TIAM2: variants seen among roughly 807,000 people sequenced by gnomAD.
The protein encoded by TIAM2 is rho guanine nucleotide exchange factor TIAM2.
A neutral mutation model predicts 152.9 loss-of-function variants in TIAM2; 80 were observed. That is an observed-to-expected ratio of 0.52 (90% CI 0.44 to 0.63). TIAM2 has a LOEUF of 0.63. Ranked by LOEUF, TIAM2 falls within the 30% of genes least tolerant of loss-of-function variation. The pLI is 0.00. For missense variants in TIAM2, 1,965 were observed against 2,120.1 expected, an observed-to-expected ratio of 0.93 and a Z score of 1.44; for synonymous variants, 804 against 838.0, an observed-to-expected ratio of 0.96 and a Z score of 0.70.
rs1032285962 is a variant in TIAM2, at chr6:155,142,285, G to A, written c.1631-2321G>A. ...TGATAGCCACAAAATTCTGCCTATTGTTTTACTTCCTGGCCTGGCTCTAAT... is the reference window on the plus strand; with the variant it reads ...TGATAGCCACAAAATTCTGCCTATTATTTTACTTCCTGGCCTGGCTCTAAT... On this transcript the variant is annotated intron_variant, in intron 5 of 26. Coordinates refer to ENST00000682666, the MANE Select transcript of TIAM2 (RefSeq NM_012454.4). Among the ~76,000 whole-genome samples the A allele has an allele frequency of 1.3e-4, 20 of 151,554 alleles. 1 individual carries two copies. The highest frequency in any genetic ancestry group is 1.2e-3 in the Admixed American group (19 of 15,266).
intron 26 of TIAM2, 27 bp from the exon 27 acceptor site, chr6:155,256,457 C>T: frequency 4.3e-6 from 7 of 1,613,856 alleles, no homozygotes; most frequent in East Asian, 2.2e-5. Context: ...TTCTGTATCA[C>T]AGCGAAATGT....
chr6:155,241,078 G>A (rs1412273224), intron 16 of TIAM2, among the ~76,000 whole-genome samples: 1 of 152,184 alleles, frequency 6.6e-6, no homozygotes, highest in Admixed American at 6.5e-5. Flanking sequence ...CATACGTGAC[G>A]GCTGATCCAG....
intron 26 of TIAM2, chr6:155,255,417 C>T (rs773640058): frequency 6.6e-6 from 1 of 152,152 alleles, no homozygotes; most frequent in Non-Finnish European, 1.5e-5. Flanking sequence ...TTGTTATTAT[C>T]TTTCTTGTTT....
At chr6:155,057,034 T>C (rs1777467767) in intron 1 of TIAM2, among the ~76,000 whole-genome samples, 1 of 131,594 alleles carries the variant, frequency 7.6e-6, no homozygotes, top group Non-Finnish European at 1.6e-5. Flanking sequence ...TTTTTTTTTT[T>C]TTTTTTTTTT....
chr6:155,164,153 T>TTTTTTG (rs2115099022), intron 7 of TIAM2, among the ~76,000 whole-genome samples: 1 of 148,284 alleles, frequency 6.7e-6, no homozygotes, highest in Admixed American at 6.9e-5. Context: ...TTTCTTTTTT[T>TTTTTTG]TAGTAGAGAT....
Position 155,252,934 on chromosome 6 carries a change from C to T in TIAM2, c.4120-14C>T, listed in dbSNP as rs373827345. On this transcript the variant is annotated splice_polypyrimidine_tract_variant and intron_variant, in intron 23 of 26. Coordinates refer to ENST00000682666, the MANE Select transcript of TIAM2 (RefSeq NM_012454.4). ...CTTCCCTAACACTTTTCTTGGTGGGCCTTCATGTTACAGCCCTCGAATTCC... is the reference window on the plus strand; with the variant it reads ...CTTCCCTAACACTTTTCTTGGTGGGTCTTCATGTTACAGCCCTCGAATTCC... 1.9e-6 allele frequency: 3 copies of T among 1,610,266 alleles called. No individual in the cohort carries two copies. Among genetic ancestry groups the T allele is most frequent in the African/African-American group, 2.7e-5 (2 of 74,846 alleles).
Position 155,174,925 on chromosome 6 carries a change from C to T in TIAM2, c.2362-1891C>T, listed in dbSNP as rs1780725096. Among the ~76,000 whole-genome samples the T allele has an allele frequency of 6.6e-6, 1 of 152,224 alleles. No homozygotes were observed. The highest frequency in any genetic ancestry group is 6.5e-5 in the Admixed American group (1 of 15,282). On this transcript the variant is annotated intron_variant, in intron 9 of 26. Transcript: ENST00000682666. The surrounding 1 kb of genome is among the most constrained non-coding windows in gnomAD (Gnocchi z 4.2). ...TGCTGGGTTTTAGTTTGCTTCTCAA[C>T]AAGCCTGGTTTCAGAGGTGGGGCCT... is the stretch of plus-strand genomic sequence containing the variant.
intron 1 of TIAM2, among the ~76,000 whole-genome samples, chr6:155,009,526 G>T (rs903930292): frequency 6.6e-6 from 1 of 152,102 alleles, no homozygotes. Context: ...CTCAGTGTTG[G>T]TCTATACTGA....
At chr6:155,012,068 C>G (rs979884018) in intron 1 of TIAM2, among the ~76,000 whole-genome samples, 1 of 152,092 alleles carries the variant, frequency 6.6e-6, no homozygotes, top group Non-Finnish European at 1.5e-5. Flanking sequence ...TGATGCTGTA[C>G]TGAATTTCTT....
intron 2 of TIAM2, among the ~76,000 whole-genome samples, chr6:155,099,220 ATGTG>A (rs34269926): frequency 0.24 from 35,813 of 147,690 alleles, 4,557 homozygotes; most frequent in East Asian, 0.39. Context: ...GTATATATAT[ATGTG>A]TGTGTGTGTG....
chr6:155,178,030 G>C (rs1014999220), intron 10 of TIAM2, among the ~76,000 whole-genome samples: 11 of 152,020 alleles, frequency 7.2e-5, no homozygotes, highest in South Asian at 2.1e-4. Context: ...GTGTGGTGGC[G>C]GGCGCCTGTA....
chr6:155,006,682 C>CAA (rs577214442), intron 1 of TIAM2, among the ~76,000 whole-genome samples: 1 of 87,198 alleles, frequency 1.1e-5, no homozygotes. Flanking sequence ...CTCCCCCCAC[C>CAA]AAAAAAAAAA....
At chr6:155,020,335 G>T (rs1776450081) in intron 1 of TIAM2, among the ~76,000 whole-genome samples, 1 of 152,208 alleles carries the variant, frequency 6.6e-6, no homozygotes, top group South Asian at 2.1e-4. Context: ...ACTTCTGAAA[G>T]ATTTTTTTCC....
chr6:155,254,915 G>GATTTTTT, intron 26 of TIAM2: 1 of 195,780 alleles, frequency 5.1e-6, no homozygotes, highest in South Asian at 1.5e-4. Context: ...GGTCAATGCT[G>GATTTTTT]AATGAAGATC....
chr6:155,173,662 G>T (rs1486267567), intron 9 of TIAM2, among the ~76,000 whole-genome samples: 1 of 152,212 alleles, frequency 6.6e-6, no homozygotes, highest in East Asian at 1.9e-4. Context: ...TGTGTCCTGG[G>T]TGTGGGACGC....
In TIAM2 at chr6:155,257,476, G is replaced by GGCATTTTCTTTCAGCTGTTT. The variant is rs1177230404; in HGVS notation, c.*357_*376dup. 136 of 325,776 alleles carry GGCATTTTCTTTCAGCTGTTT rather than the reference G, an allele frequency of 4.2e-4. 1 individual carries two copies. Among genetic ancestry groups the GGCATTTTCTTTCAGCTGTTT allele is most frequent in the Non-Finnish European group, 9.6e-5 (17 of 177,948 alleles). 20.2% of individuals were successfully genotyped at this position (325,776 alleles called of 1,614,324 possible). A position where few individuals can be genotyped will look rare whatever the true frequency, so the allele number is the denominator to read the frequency against. On this transcript the variant is annotated 3_prime_UTR_variant, in exon 27 of 27. Transcript: ENST00000682666. ...AAGGGCCATTTTTTAAAATCCTCTG[G>GGCATTTTCTTTCAGCTGTTT]GCATTTTCTTTCAGCTGTTTGTTAG... is the stretch of plus-strand genomic sequence containing the variant.
rs7341188 is a variant in TIAM2 at position 155,248,810 on chromosome 6, T to G, written c.3832+631T>G. ...TTTATTTGGGTTGGAGATAGTGATTTGTTCATATGTTGAAACTAGGAGGTC... is the reference window on the plus strand; with the variant it reads ...TTTATTTGGGTTGGAGATAGTGATTGGTTCATATGTTGAAACTAGGAGGTC... On this transcript the variant is annotated intron_variant, in intron 20 of 26. Transcript: ENST00000682666. 1.8e-4 allele frequency among the ~76,000 whole-genome samples: 27 copies of G among 152,370 alleles called. 2 individuals carry two copies. The highest frequency in any genetic ancestry group is 6.3e-4 in the African/African-American group (26 of 41,592).
At chr6:155,155,588 C>T (rs1780085546) in intron 7 of TIAM2, among the ~76,000 whole-genome samples, 1 of 152,216 alleles carries the variant, frequency 6.6e-6, no homozygotes, top group Non-Finnish European at 1.5e-5. Flanking sequence ...GATTCTCCTG[C>T]CTTAGCCTCC....
At chr6:155,152,219 A>G (rs754718595) in intron 7 of TIAM2, among the ~76,000 whole-genome samples, 2 of 152,192 alleles carry the variant, frequency 1.3e-5, no homozygotes, top group African/African-American at 2.4e-5. Flanking sequence ...ATGCCATTTA[A>G]ACTCCAAAGT....
Sources: allele counts gnomAD v4.1 joint callset (sites outside exome capture counted in the v4.1 genomes callset), GRCh38; gene constraint gnomAD v4.1.1; non-coding constraint Gnocchi (gnomAD v3.1); transcripts MANE v1.5; gene names NCBI Gene and HGNC (gene_info 2026-07-23, HGNC 2026-07-21).